Variants in PPP6C observed in about 807,000 individuals in gnomAD.
PPP6C encodes serine/threonine-protein phosphatase 6 catalytic subunit.
A neutral mutation model predicts 39.8 loss-of-function variants in PPP6C; 11 were observed. The observed-to-expected ratio is 0.28, with a 90% CI of 0.17 to 0.46. The LOEUF (loss-of-function observed/expected upper bound fraction) is 0.46. PPP6C is among the 20% of genes least tolerant of loss of function. The pLI, the probability that PPP6C is intolerant of heterozygous loss-of-function variation, is 1.00. For synonymous variants in PPP6C, 129 were observed against 130.3 expected (o/e 0.99, Z 0.07); for missense variants, 211 against 373.9 (o/e 0.56, Z 3.59).
Position 125,189,709 on chromosome 9 carries a change from G to T in PPP6C, c.10C>A (p.Leu4Ile), listed in dbSNP as rs761639244. The T allele has an allele frequency of 1.3e-6, 2 of 1,588,936 alleles. No individual in the cohort carries two copies. The highest frequency in any genetic ancestry group is 1.7e-6 in the Non-Finnish European group (2 of 1,171,942). The change falls in exon 1 of 7, where the codon CTA becomes ATA. Residue 4 changes from leucine to isoleucine, a missense_variant. By Grantham distance (5) the Leu-to-Ile change is conservative (BLOSUM62 2). Coordinates refer to ENST00000373547, the MANE Select transcript of PPP6C (RefSeq NM_002721.5). MAP[L>I]DLDKYVEIAR... ...ATTTCCACATACTTGTCCAGGTCTA[G>T]CGGCGCCATTTTAAGAATAACAAGC...
intron 1 of PPP6C, among the ~76,000 whole-genome samples, chr9:125,181,550 T>C (rs1829422036): frequency 6.6e-6 from 1 of 152,130 alleles, no homozygotes; most frequent in African/African-American, 2.4e-5. Flanking sequence ...ATGTTCTCAT[T>C]GTTCAACTCC....
In PPP6C at chr9:125,188,101, C is replaced by T. The variant is rs137915304; in HGVS notation, c.75+1543G>A. 3.5e-3 allele frequency among the ~76,000 whole-genome samples: 531 copies of T among 150,840 alleles called. 4 individuals are homozygous for T. The highest frequency in any genetic ancestry group is 5.6e-3 in the Non-Finnish European group (379 of 68,000). On this transcript the variant is annotated intron_variant, in intron 1 of 6. Transcript: ENST00000373547. ...ATATTTCCTTAAGAATACACTGAGT[C>T]GGGGCTGGGCACGGTGGCTTACGCC...
intron 1 of PPP6C, among the ~76,000 whole-genome samples, chr9:125,185,469 G>A (rs1009513846): frequency 6.6e-6 from 1 of 152,034 alleles, no homozygotes; most frequent in African/African-American, 2.4e-5. Context: ...TGAGAAGGGT[G>A]GATCACCTGA....
intron 4 of PPP6C, among the ~76,000 whole-genome samples, chr9:125,156,742 TCG>T (rs953464133): frequency 1.1e-4 from 16 of 139,418 alleles, no homozygotes; most frequent in African/African-American, 4.9e-4. Context: ...CCTAATAAGC[TCG>T]CTCTCTCTCT....
intron 1 of PPP6C, among the ~76,000 whole-genome samples, chr9:125,177,090 C>G (rs1254223896): frequency 6.6e-6 from 1 of 152,024 alleles, no homozygotes; most frequent in Non-Finnish European, 1.5e-5. Flanking sequence ...ACAGAGAATT[C>G]CCGGCCGGGC....
intron 1 of PPP6C, among the ~76,000 whole-genome samples, chr9:125,175,367 G>C (rs189177069): frequency 2.7e-5 from 4 of 150,900 alleles, no homozygotes; most frequent in African/African-American, 9.7e-5. Context: ...GGCCGGGCGC[G>C]GTGGCTCACG....
intron 1 of PPP6C, among the ~76,000 whole-genome samples, chr9:125,171,523 ATAATTTTAACAG>A (rs1199934965): frequency 1.4e-5 from 2 of 142,738 alleles, no homozygotes; most frequent in Non-Finnish European, 3.0e-5. Flanking sequence ...ATATGAAGAA[ATAATTTTAACAG>A]TAAAAGGTTT....
intron 2 of PPP6C, among the ~76,000 whole-genome samples, chr9:125,162,492 G>C (rs1215451485): frequency 1.4e-5 from 2 of 145,184 alleles, no homozygotes; most frequent in Non-Finnish European, 3.0e-5. Flanking sequence ...AAGTGTTATG[G>C]TCCGGGCACA....
At chr9:125,156,740 G>GCTCT (rs1554721200) in intron 4 of PPP6C, among the ~76,000 whole-genome samples, 3 of 134,174 alleles carry the variant, frequency 2.2e-5, no homozygotes, top group South Asian at 2.4e-4. Flanking sequence ...TTCCTAATAA[G>GCTCT]CTCGCTCTCT....
intron 1 of PPP6C, among the ~76,000 whole-genome samples, chr9:125,171,478 C>CACAT (rs1171157245): frequency 0.012 from 981 of 83,078 alleles, 7 homozygotes; most frequent in African/African-American, 0.022. Context: ...CACACACACA[C>CACAT]ATATATATAT....
intron 6 of PPP6C, chr9:125,150,762 G>C (rs775779754): frequency 6.9e-6 from 5 of 719,718 alleles, no homozygotes; most frequent in Non-Finnish European, 1.2e-5. Flanking sequence ...CAGCAACTAG[G>C]AGACCTGTGT....
chr9:125,171,257 A>C, intron 1 of PPP6C, 77 bp from the exon 2 acceptor site: 1 of 1,178,740 alleles, frequency 8.5e-7, no homozygotes, highest in Non-Finnish European at 1.2e-6. Flanking sequence ...AAAGAAAAAT[A>C]CCAGGTCTAA....
chr9:125,159,780 G>A (rs1235930844), intron 3 of PPP6C, among the ~76,000 whole-genome samples: 1 of 152,226 alleles, frequency 6.6e-6, no homozygotes, highest in East Asian at 1.9e-4. Flanking sequence ...GGGAGGCCAA[G>A]GCAGGGGCCG....
chr9:125,159,212 ATT>A (rs746652999), intron 3 of PPP6C, among the ~76,000 whole-genome samples: 19 of 96,424 alleles, frequency 2.0e-4, no homozygotes, highest in Admixed American at 2.0e-4. Context: ...CTAATTTTGT[ATT>A]TTTTTTTTTT....
intron 4 of PPP6C, among the ~76,000 whole-genome samples, chr9:125,156,387 C>T (rs1247562853): frequency 1.3e-5 from 2 of 151,826 alleles, no homozygotes; most frequent in Non-Finnish European, 2.9e-5. Context: ...GATTCTCCTG[C>T]CTCAGCCTCC....
chr9:125,152,913 GAA>G (rs59385050), intron 6 of PPP6C, among the ~76,000 whole-genome samples: 37 of 141,602 alleles, frequency 2.6e-4, no homozygotes, highest in African/African-American at 5.3e-4. Context: ...AGGTCTTTGA[GAA>G]AAAAAAAAAA....
At chr9:125,158,706 G>T (rs1331450011) in intron 3 of PPP6C, among the ~76,000 whole-genome samples, 6 of 150,596 alleles carry the variant, frequency 4.0e-5, no homozygotes, top group Admixed American at 1.3e-4. Context: ...CTGTCACCCA[G>T]GCTGGAGTGC....
chr9:125,162,412 C>T (rs1217649811), intron 2 of PPP6C, among the ~76,000 whole-genome samples: 2 of 134,654 alleles, frequency 1.5e-5, no homozygotes, highest in Non-Finnish European at 3.1e-5. Flanking sequence ...GAGCCAAGAT[C>T]ATGCCACTGC....
chr9:125,174,146 C>T (rs544262051), intron 1 of PPP6C, among the ~76,000 whole-genome samples: 2 of 152,098 alleles, frequency 1.3e-5, no homozygotes, highest in Non-Finnish European at 2.9e-5. Flanking sequence ...TTGGATTTTA[C>T]GATAGGTCTG....
Sources: allele counts gnomAD v4.1 joint callset (sites outside exome capture counted in the v4.1 genomes callset), GRCh38; gene constraint gnomAD v4.1.1; transcripts MANE v1.5; gene names NCBI Gene and HGNC (gene_info 2026-07-23, HGNC 2026-07-21).